CDH22: variants seen among roughly 807,000 people sequenced by gnomAD.
CDH22 encodes cadherin-22.
Under a neutral mutation model 58.4 loss-of-function variants are expected in CDH22, and 30 were observed. The ratio of observed to expected loss-of-function variants is 0.51; its 90% CI spans 0.38 to 0.70. The LOEUF (loss-of-function observed/expected upper bound fraction) is 0.70, where lower values mean the gene tolerates loss of function less well. Among genes scored for constraint, CDH22 ranks in the 30% least tolerant of loss-of-function variants. The pLI, the probability that CDH22 is intolerant of heterozygous loss-of-function variation, is 0.00. For synonymous variants in CDH22, 513 were observed against 558.2 expected, an observed-to-expected ratio of 0.92 and a Z score of 1.14; for missense variants, 1,014 against 1,233.9, an observed-to-expected ratio of 0.82 and a Z score of 2.67.
At chr20:46,249,242 C>T (rs2086352867) in intron 2 of CDH22, among the ~76,000 whole-genome samples, 1 of 152,194 alleles carries the variant, frequency 6.6e-6, no homozygotes, top group African/African-American at 2.4e-5. Flanking sequence ...AGCTGTTTCA[C>T]CATTGGCTAC....
chr20:46,268,882 A>T (rs1185030184), intron 1 of CDH22, among the ~76,000 whole-genome samples: 1 of 151,984 alleles, frequency 6.6e-6, no homozygotes, highest in East Asian at 1.9e-4. Flanking sequence ...GAAGCAGTTG[A>T]CTCTGGGGCT....
At chr20:46,243,286 T>C (rs2086305183) in intron 2 of CDH22, among the ~76,000 whole-genome samples, 1 of 152,200 alleles carries the variant, frequency 6.6e-6, no homozygotes, top group Admixed American at 6.5e-5. Flanking sequence ...AGAAGTGCCA[T>C]TTGGAAGATT....
chr20:46,236,196 C>A lies in CDH22; in HGVS notation c.550+4767G>T, dbSNP rs139859308. Among the ~76,000 whole-genome samples, 32 of 152,154 alleles carry A rather than the reference C, an allele frequency of 2.1e-4. No homozygotes were observed. The East Asian group carries it at 5.8e-3, about 28-fold the overall frequency. On this transcript the variant is annotated intron_variant, in intron 3 of 11. Transcript: ENST00000537909. The stretch of plus-strand genomic sequence containing the variant: ...GAGTTTGTTAGAAATGCAGACATTT[C>A]TAACAGCCCAGACCTCGTGAGCCAG...
chr20:46,307,755 G>C (rs1043101237), intron 1 of CDH22, among the ~76,000 whole-genome samples: 1 of 151,992 alleles, frequency 6.6e-6, no homozygotes, highest in African/African-American at 2.4e-5. Flanking sequence ...CGCTCGCGCC[G>C]TGCGGTATTT....
At position 46,225,082 on chromosome 20, in the gene CDH22, G is replaced by C. The variant is rs368118351; in HGVS notation, c.670+2426C>G. Among the ~76,000 whole-genome samples the C allele has an allele frequency of 1.1e-4, 17 of 152,334 alleles. No individual in the cohort carries two copies. In the East Asian group the frequency reaches 3.1e-3, roughly 28 times the overall value. Reference sequence around the variant, plus strand: ...TTGCTTAGTAGTCATCAGTGAACCTGCACTGTAGGTGAGGAGGAGGGGAAA... The same window carrying C: ...TTGCTTAGTAGTCATCAGTGAACCTCCACTGTAGGTGAGGAGGAGGGGAAA... On this transcript the variant is annotated intron_variant, in intron 4 of 11. Transcript: ENST00000537909.
At position 46,227,635 on chromosome 20, in the gene CDH22, C is replaced by T; in HGVS notation, c.551-8G>A. The T allele has an allele frequency of 1.9e-6, 3 of 1,608,296 alleles. No individual in the cohort carries two copies. The highest frequency in any genetic ancestry group is 2.5e-6 in the Non-Finnish European group (3 of 1,177,890). ...CCTGCATCACCGACGTGCCTGGGCC[C>T]GGGGGACCAAGCGAGACAGGGGTCA... is the stretch of plus-strand genomic sequence containing the variant. On this transcript the variant is annotated splice_polypyrimidine_tract_variant and splice_region_variant and intron_variant, in intron 3 of 11. Coordinates refer to ENST00000537909, the MANE Select transcript of CDH22 (RefSeq NM_021248.3).
intron 7 of CDH22, among the ~76,000 whole-genome samples, chr20:46,200,112 T>C (rs2085945925): frequency 1.3e-5 from 2 of 152,256 alleles, no homozygotes; most frequent in South Asian, 4.2e-4. Flanking sequence ...TAGCTGGGAC[T>C]ACAGGTGCCC....
intron 8 of CDH22, among the ~76,000 whole-genome samples, chr20:46,190,594 A>C (rs2085856426): frequency 6.6e-6 from 1 of 152,252 alleles, no homozygotes; most frequent in Non-Finnish European, 1.5e-5. Context: ...TCTTCTTCTA[A>C]AATAAATTAT....
rs1419985247 is a variant in CDH22, at chr20:46,215,171, T to C, written c.838+1655A>G. Among the ~76,000 whole-genome samples, 4 of 152,158 alleles carry C rather than the reference T, an allele frequency of 2.6e-5. No homozygotes were observed. In the East Asian group the frequency reaches 5.8e-4, roughly 22 times the overall value. On this transcript the variant is annotated intron_variant, in intron 5 of 11. Transcript: ENST00000537909. ...CAGCAATTTCACTCCTCTGTATCCA[T>C]AGAGAACAAGTGCAAATGGGCACCT...
intron 4 of CDH22, among the ~76,000 whole-genome samples, chr20:46,223,694 T>TTTCTTTCC (rs2086146062): frequency 1.4e-5 from 1 of 73,252 alleles, no homozygotes. Flanking sequence ...TCTTTCTTTC[T>TTTCTTTCC]TTCTTTCTTT....
chr20:46,174,309 C>T lies in CDH22; in HGVS notation c.*197G>A. On this transcript the variant is annotated 3_prime_UTR_variant, in exon 12 of 12. Coordinates refer to ENST00000537909, the MANE Select transcript of CDH22 (RefSeq NM_021248.3). The surrounding 1 kb of genome is among the most constrained non-coding windows in gnomAD (Gnocchi z 4.4). ...TAATGCCGTTGGTCAGAATCCCGCA[C>T]CTCTGGGCTCCAAAGCTGCACCCCT... 1.9e-6 allele frequency: 1 copy of T among 518,360 alleles called. No individual in the cohort carries two copies. Among genetic ancestry groups the T allele is most frequent in the Non-Finnish European group, 3.4e-6 (1 of 298,444 alleles). The allele number at this position is 518,360 out of a possible 1,614,324, so 32.1% of individuals were successfully genotyped here.
intron 1 of CDH22, among the ~76,000 whole-genome samples, chr20:46,279,783 A>T (rs976079054): frequency 6.6e-6 from 1 of 152,232 alleles, no homozygotes; most frequent in Non-Finnish European, 1.5e-5. Flanking sequence ...TAAAATTAAA[A>T]TTATTTTTAA....
At chr20:46,281,149 G>A (rs1053036084) in intron 1 of CDH22, among the ~76,000 whole-genome samples, 2 of 152,206 alleles carry the variant, frequency 1.3e-5, no homozygotes, top group African/African-American at 4.8e-5. Flanking sequence ...GTTTGATCAA[G>A]GGAGTGACAT....
chr20:46,254,527 C>T (rs1039355998), intron 1 of CDH22, among the ~76,000 whole-genome samples: 10 of 146,548 alleles, frequency 6.8e-5, no homozygotes, highest in Non-Finnish European at 1.3e-4. Context: ...TGCCCTCTAG[C>T]CTGGGTGACA....
chr20:46,296,777 C>T (rs558791790), intron 1 of CDH22, among the ~76,000 whole-genome samples: 1 of 152,338 alleles, frequency 6.6e-6, no homozygotes, highest in East Asian at 1.9e-4. Context: ...CCTCCTGAGG[C>T]AGCCTCCCTC....
chr20:46,283,861 C>T (rs1012712000), intron 1 of CDH22, among the ~76,000 whole-genome samples: 1 of 152,084 alleles, frequency 6.6e-6, no homozygotes, highest in African/African-American at 2.4e-5. Flanking sequence ...ACACACACCC[C>T]GTGAGCCAAA....
At chr20:46,259,626 C>G (rs1027589732) in intron 1 of CDH22, among the ~76,000 whole-genome samples, 3 of 152,174 alleles carry the variant, frequency 2.0e-5, no homozygotes, top group African/African-American at 7.2e-5. Flanking sequence ...AGAGGAAGAG[C>G]TCCTATCTCC....
chr20:46,220,918 G>A (rs1433583471), intron 4 of CDH22: 3 of 152,930 alleles, frequency 2.0e-5, no homozygotes, highest in Middle Eastern at 3.4e-3. Flanking sequence ...CGGTATCCAC[G>A]CCCTTGGGTC....
chr20:46,301,808 T>C (rs1471097534), intron 1 of CDH22, among the ~76,000 whole-genome samples: 1 of 152,048 alleles, frequency 6.6e-6, no homozygotes, highest in Non-Finnish European at 1.5e-5. Flanking sequence ...TGAAACTCCG[T>C]CTCAAATATA....
Sources: gnomAD v4.1 joint callset for allele counts (sites outside exome capture counted in the v4.1 genomes callset) on GRCh38, gnomAD v4.1.1 for gene constraint, Gnocchi (gnomAD v3.1) non-coding constraint, MANE v1.5 for transcripts, NCBI Gene and HGNC (gene_info 2026-07-23, HGNC 2026-07-21) for gene names.